TNFSF4: variants seen among roughly 807,000 people sequenced by gnomAD.
The protein encoded by TNFSF4 is tumor necrosis factor ligand superfamily member 4.
Under a neutral mutation model 7.3 loss-of-function variants are expected in TNFSF4, and 4 were observed. The observed-to-expected ratio is 0.55, with a 90% CI of 0.27 to 1.25. The LOEUF is 1.25. Among genes scored for constraint, TNFSF4 ranks in the 50% most tolerant of loss-of-function variants. The probability of loss-of-function intolerance (pLI) is 0.12; values close to 1 mark genes in which losing one functional copy is unlikely to be tolerated. For missense variants in TNFSF4, 181 were observed against 208.8 expected, an observed-to-expected ratio of 0.87 and a Z score of 0.82; for synonymous variants, 76 against 83.7, an observed-to-expected ratio of 0.91 and a Z score of 0.50.
chr1:173,412,852 G>A, the TNFSF4 span, among the ~76,000 whole-genome samples: 1 of 152,112 alleles, frequency 6.6e-6, no homozygotes, highest in African/African-American at 2.4e-5. Flanking sequence ...GTATACAACG[G>A]ATTTTATGTA....
At chr1:173,433,722 T>G in the TNFSF4 span, among the ~76,000 whole-genome samples, 6 of 151,900 alleles carry the variant, frequency 3.9e-5, no homozygotes, top group Admixed American at 1.3e-4. Context: ...TAAAAGAAAC[T>G]GACTGACTCA....
chr1:173,428,620 T>G, the TNFSF4 span, among the ~76,000 whole-genome samples: 1 of 152,260 alleles, frequency 6.6e-6, no homozygotes, highest in East Asian at 1.9e-4. Context: ...TAATGAATTA[T>G]TGCTAATGTT....
At chr1:173,189,163 C>T (rs1649364862) in intron 1 of TNFSF4, among the ~76,000 whole-genome samples, 1 of 152,190 alleles carries the variant, frequency 6.6e-6, no homozygotes, top group Non-Finnish European at 1.5e-5. Context: ...CCAAACTCTT[C>T]TTTGGTATAC....
At chr1:173,219,319 A>C in the TNFSF4 span, among the ~76,000 whole-genome samples, 2 of 152,208 alleles carry the variant, frequency 1.3e-5, no homozygotes, top group Non-Finnish European at 2.9e-5. Context: ...TCAAGAGACT[A>C]GTAAGAAATA....
At chr1:173,343,436 G>A in the TNFSF4 span, among the ~76,000 whole-genome samples, 1 of 152,324 alleles carries the variant, frequency 6.6e-6, no homozygotes, top group South Asian at 2.1e-4. Context: ...GCAGGAGACA[G>A]CCCAATGCGC....
At chr1:173,332,996 C>T in the TNFSF4 span, among the ~76,000 whole-genome samples, 8 of 152,258 alleles carry the variant, frequency 5.3e-5, no homozygotes, top group South Asian at 4.2e-4. Flanking sequence ...TGACACAACA[C>T]AAACAACCAG....
chr1:173,411,186 T>C, the TNFSF4 span, among the ~76,000 whole-genome samples: 1 of 152,112 alleles, frequency 6.6e-6, no homozygotes, highest in African/African-American at 2.4e-5. Context: ...ATAGGCTGCT[T>C]CTATCTTCAG....
chr1:173,445,756 TGAC>T, the TNFSF4 span, among the ~76,000 whole-genome samples: 1 of 152,102 alleles, frequency 6.6e-6, no homozygotes, highest in Non-Finnish European at 1.5e-5. Flanking sequence ...TATAGGTAGG[TGAC>T]TATGGGGAGT....
At chr1:173,241,701 C>T in the TNFSF4 span, among the ~76,000 whole-genome samples, 1 of 152,188 alleles carries the variant, frequency 6.6e-6, no homozygotes, top group Non-Finnish European at 1.5e-5. Context: ...AGGGACCACA[C>T]AGGGACAACA....
chr1:173,369,424 T>A, the TNFSF4 span, among the ~76,000 whole-genome samples: 1 of 152,146 alleles, frequency 6.6e-6, no homozygotes, highest in Non-Finnish European at 1.5e-5. Context: ...GGCCACTGAA[T>A]CTGACCTTCC....
the TNFSF4 span, among the ~76,000 whole-genome samples, chr1:173,266,867 A>G: frequency 6.6e-6 from 1 of 152,194 alleles, no homozygotes; most frequent in African/African-American, 2.4e-5. Context: ...AGTTCTAACT[A>G]TATGAAATTG....
chr1:173,329,718 C>T, the TNFSF4 span, among the ~76,000 whole-genome samples: 2 of 151,898 alleles, frequency 1.3e-5, no homozygotes, highest in Non-Finnish European at 1.5e-5. Context: ...AAATATTAGG[C>T]CGTAGGATAG....
chr1:173,221,046 G>A, the TNFSF4 span, among the ~76,000 whole-genome samples: 2 of 152,196 alleles, frequency 1.3e-5, no homozygotes, highest in African/African-American at 4.8e-5. Context: ...GTCAGTCAGG[G>A]AAAGAGCTAG....
the TNFSF4 span, chr1:173,363,423 ATCCAGTACCT>A: frequency 2.0e-5 from 7 of 348,216 alleles, no homozygotes; most frequent in East Asian, 4.0e-4. Flanking sequence ...ATATCTCTCC[ATCCAGTACCT>A]TCTTGGATTC....
At chr1:173,199,460 A>T (rs1649848309) in intron 1 of TNFSF4, among the ~76,000 whole-genome samples, 2 of 152,304 alleles carry the variant, frequency 1.3e-5, no homozygotes, top group African/African-American at 4.8e-5. Flanking sequence ...CACAAGATAC[A>T]CATTTGAAAG....
chr1:173,362,884 C>A, the TNFSF4 span: 3 of 476,896 alleles, frequency 6.3e-6, no homozygotes, highest in African/African-American at 4.0e-5. Flanking sequence ...TTCCCAGCTA[C>A]AAATGGCACA....
the TNFSF4 span, among the ~76,000 whole-genome samples, chr1:173,385,062 G>A: frequency 0.015 from 2,212 of 152,274 alleles, 53 homozygotes; most frequent in African/African-American, 0.051. Flanking sequence ...TGCATTTGCT[G>A]GGATAAATGA....
the TNFSF4 span, among the ~76,000 whole-genome samples, chr1:173,420,973 C>A: frequency 6.6e-6 from 1 of 152,204 alleles, no homozygotes; most frequent in East Asian, 1.9e-4. Context: ...TTTTACTATG[C>A]ACCAGTTACA....
the TNFSF4 span, among the ~76,000 whole-genome samples, chr1:173,423,863 T>G: frequency 6.6e-6 from 1 of 152,184 alleles, no homozygotes; most frequent in Non-Finnish European, 1.5e-5. Flanking sequence ...AATAAAAAAT[T>G]TATTTCTCAC....
Sources: allele counts gnomAD v4.1 joint callset (sites outside exome capture counted in the v4.1 genomes callset), GRCh38; gene constraint gnomAD v4.1.1; transcripts MANE v1.5; gene names NCBI Gene and HGNC (gene_info 2026-07-23, HGNC 2026-07-21).